Variants in SYNE1 observed in about 807,000 individuals in gnomAD.
The protein encoded by SYNE1 is nesprin-1.
Under a neutral mutation model 1,111.0 loss-of-function variants are expected in SYNE1, and 616 were observed. The observed-to-expected ratio is 0.55, with a 90% CI of 0.52 to 0.59. The LOEUF is 0.59. Among genes scored for constraint, SYNE1 ranks in the 20% least tolerant of loss-of-function variants. The pLI is 0.00. For synonymous variants in SYNE1, 3,855 were observed against 3,825.8 expected (o/e 1.01, Z -0.28); for missense variants, 10,006 against 10,417.0 (o/e 0.96, Z 1.72).
rs1311849571 is a variant in SYNE1 at position 152,617,663 on chromosome 6, A to G, written c.67+10602T>C. Among the ~76,000 whole-genome samples, 4 of 152,216 alleles carry G rather than the reference A, an allele frequency of 2.6e-5. No individual in the cohort carries two copies. The East Asian group carries it at 7.7e-4, about 29-fold the overall frequency. On this transcript the variant is annotated intron_variant, in intron 3 of 145. Coordinates refer to ENST00000367255, the MANE Select transcript of SYNE1 (RefSeq NM_182961.4). The stretch of plus-strand genomic sequence containing the variant: ...CAAGATGCCTACTTTCAAGGTTCTA[A>G]TACACTAATGGGGACAGAGCTTCTT...
intron 142 of SYNE1, 146 bp downstream of exon 142, chr6:152,134,958 A>C: frequency 1.0e-6 from 1 of 994,984 alleles, no homozygotes; most frequent in Non-Finnish European, 1.5e-6. Context: ...TGGAAACCAC[A>C]GGGAGTTAAA....
chr6:152,510,366 T>C lies in SYNE1; in HGVS notation c.408A>G (p.Glu136=). The change falls in exon 8 of 146, where the codon GAA becomes GAG. Residue 136 remains glutamate (E), a synonymous_variant. Coordinates refer to ENST00000367255, the MANE Select transcript of SYNE1 (RefSeq NM_182961.4). ...MWTIILYFQI[E]ELTSNLPQLQ... is the part of the protein sequence containing the mutation. The stretch of plus-strand genomic sequence containing the variant: ...GCTGGGGCAGGTTGCTGGTCAACTC[T>C]TCAATCTGTTTGTGAGTTAACAGCC... 1 of 1,613,874 alleles carries C rather than the reference T, an allele frequency of 6.2e-7. No individual in the cohort carries two copies. The highest frequency in any genetic ancestry group is 8.5e-7 in the Non-Finnish European group (1 of 1,179,918).
intron 66 of SYNE1, 136 bp downstream of exon 66, chr6:152,358,237 A>C: frequency 8.2e-7 from 1 of 1,225,568 alleles, no homozygotes; most frequent in South Asian, 1.2e-5. Context: ...TTCTTGATCA[A>C]ACCTTATGGG....
At chr6:152,201,752 T>A (rs562765061) in intron 127 of SYNE1, 72 bp downstream of exon 127, 2 of 1,610,880 alleles carry the variant, frequency 1.2e-6, no homozygotes, top group South Asian at 2.2e-5. Flanking sequence ...AGAGTTTGAC[T>A]GGATTATGGC....
At chr6:152,602,213 A>G (rs1173273023) in intron 3 of SYNE1, among the ~76,000 whole-genome samples, 1 of 152,116 alleles carries the variant, frequency 6.6e-6, no homozygotes, top group Non-Finnish European at 1.5e-5. Flanking sequence ...ATGTGACCTT[A>G]TTTAGAGATA....
intron 113 of SYNE1, among the ~76,000 whole-genome samples, 154 bp from the exon 114 acceptor site, chr6:152,231,721 T>C (rs1312396902): frequency 1.3e-5 from 2 of 152,140 alleles, no homozygotes; most frequent in Non-Finnish European, 1.5e-5. Context: ...AACCCATTAT[T>C]TTTAGAAGCC....
At chr6:152,422,212 T>C (rs1484525942) in intron 39 of SYNE1, among the ~76,000 whole-genome samples, 2 of 152,178 alleles carry the variant, frequency 1.3e-5, no homozygotes, top group East Asian at 3.9e-4. Flanking sequence ...TCACAAACTC[T>C]AGAAAAACAA....
chr6:152,467,344 T>C (rs910378523), intron 16 of SYNE1, among the ~76,000 whole-genome samples: 1 of 152,106 alleles, frequency 6.6e-6, no homozygotes, highest in Non-Finnish European at 1.5e-5. Context: ...AAGAATAATT[T>C]ACTAGAATTT....
At chr6:152,483,880 G>A (rs2098923971) in intron 13 of SYNE1, among the ~76,000 whole-genome samples, 1 of 144,890 alleles carries the variant, frequency 6.9e-6, no homozygotes, top group African/African-American at 2.7e-5. Flanking sequence ...ATTCTTTAAT[G>A]GAGTCACTAG....
chr6:152,533,245 C>T (rs1482062907), intron 4 of SYNE1, among the ~76,000 whole-genome samples: 1 of 151,828 alleles, frequency 6.6e-6, no homozygotes, highest in Non-Finnish European at 1.5e-5. Context: ...AGGTCCTTCC[C>T]ATTCTTTTTT....
intron 130 of SYNE1, chr6:152,168,173 C>T (rs1317678626): frequency 2.6e-6 from 2 of 774,268 alleles, no homozygotes; most frequent in Non-Finnish European, 4.8e-6. Context: ...CTCTGCCATC[C>T]TCAGGGCACT....
chr6:152,421,422 T>C (rs184503357), intron 39 of SYNE1, among the ~76,000 whole-genome samples: 194 of 152,294 alleles, frequency 1.3e-3, no homozygotes, highest in Non-Finnish European at 2.2e-3. Flanking sequence ...AGGCCAAGTA[T>C]AATAAGACTA....
intron 30 of SYNE1, among the ~76,000 whole-genome samples, chr6:152,443,617 G>C (rs1376289525): frequency 6.6e-6 from 1 of 152,076 alleles, no homozygotes; most frequent in African/African-American, 2.4e-5. Flanking sequence ...TGAAGGCTGG[G>C]ATTTTAAACA....
In SYNE1 at chr6:152,253,829, T is replaced by TG. The variant is rs1562527663; in HGVS notation, c.19470+1050_19470+1051insC. 9.6e-4 allele frequency among the ~76,000 whole-genome samples: 57 copies of TG among 59,654 alleles called. 1 individual carries two copies. Among genetic ancestry groups the TG allele is most frequent in the African/African-American group, 6.6e-3 (53 of 7,984 alleles). The allele number at this position is 59,654 out of a possible 152,430, so 39.1% of individuals were successfully genotyped here. A position where few individuals can be genotyped will look rare whatever the true frequency, so the allele number is the denominator to read the frequency against. Reference sequence around the variant, plus strand: ...TGTGTAGTGGTTTGGTTTTTTTTTTTTTTTTTTTTTTTTTTTTTTTTTTTT... The same window carrying TG: ...TGTGTAGTGGTTTGGTTTTTTTTTTTGTTTTTTTTTTTTTTTTTTTTTTTTT... On this transcript the variant is annotated intron_variant, in intron 104 of 145. Transcript: ENST00000367255.
chr6:152,138,136 T>C (rs574784139), intron 140 of SYNE1, among the ~76,000 whole-genome samples: 1 of 152,308 alleles, frequency 6.6e-6, no homozygotes, highest in African/African-American at 2.4e-5. Context: ...TGGGGTAGTG[T>C]AGAGGCCTTT....
At chr6:152,270,003 A>G (rs956454891) in intron 98 of SYNE1, among the ~76,000 whole-genome samples, 1 of 152,132 alleles carries the variant, frequency 6.6e-6, no homozygotes, top group African/African-American at 2.4e-5. Context: ...CTTGACCTCT[A>G]TGTCACAGAG....
chr6:152,285,381 G>C (rs1157863617), intron 95 of SYNE1, among the ~76,000 whole-genome samples: 1 of 152,146 alleles, frequency 6.6e-6, no homozygotes, highest in East Asian at 1.9e-4. Flanking sequence ...TTACACTCTT[G>C]TTGCTCCAGT....
chr6:152,269,543 T>G (rs1044389129), intron 98 of SYNE1, among the ~76,000 whole-genome samples: 1 of 152,220 alleles, frequency 6.6e-6, no homozygotes, highest in Non-Finnish European at 1.5e-5. Flanking sequence ...GGTTAGTCTT[T>G]TAGCTGACCA....
At chr6:152,550,637 T>A (rs2099339726) in intron 3 of SYNE1, among the ~76,000 whole-genome samples, 1 of 151,774 alleles carries the variant, frequency 6.6e-6, no homozygotes, top group African/African-American at 2.4e-5. Flanking sequence ...AACTTTGTAG[T>A]AAATAATTTG....
Sources: gnomAD v4.1 joint callset for allele counts (sites outside exome capture counted in the v4.1 genomes callset) on GRCh38, gnomAD v4.1.1 for gene constraint, MANE v1.5 for transcripts, NCBI Gene and HGNC (gene_info 2026-07-23, HGNC 2026-07-21) for gene names.